ARHGAP17: variants seen among roughly 807,000 people sequenced by gnomAD.
The protein encoded by ARHGAP17 is Rho GTPase activating protein 17, also known as rho GTPase-activating protein 17.
A neutral mutation model predicts 99.5 loss-of-function variants in ARHGAP17; 57 were observed. The observed-to-expected ratio is 0.57, with a 90% confidence interval of 0.46 to 0.71. The LOEUF (loss-of-function observed/expected upper bound fraction) is 0.71. Among genes scored for constraint, ARHGAP17 ranks in the 30% least tolerant of loss-of-function variants. ARHGAP17 has a pLI of 0.00. For missense variants in ARHGAP17, 1,000 were observed against 1,122.4 expected (o/e 0.89, Z 1.56); for synonymous variants, 417 against 429.6 (o/e 0.97, Z 0.36).
intron 4 of ARHGAP17, among the ~76,000 whole-genome samples, chr16:24,969,053 G>A (rs932501254): frequency 2.0e-5 from 3 of 152,190 alleles, no homozygotes; most frequent in African/African-American, 7.2e-5. Flanking sequence ...AAATTCTCAA[G>A]TCAGGTGAAA....
At chr16:24,998,478 G>T (rs2053264941) in intron 1 of ARHGAP17, among the ~76,000 whole-genome samples, 1 of 152,112 alleles carries the variant, frequency 6.6e-6, no homozygotes, top group Non-Finnish European at 1.5e-5. Context: ...CTCAGACACT[G>T]GGGAAAGGTG....
Position 24,973,200 on chromosome 16 carries a change from A to C in ARHGAP17, c.199-2620T>G, listed in dbSNP as rs529995320. On this transcript the variant is annotated intron_variant, in intron 3 of 19. Coordinates refer to ENST00000289968, the MANE Select transcript of ARHGAP17 (RefSeq NM_001006634.3). Reference sequence around the variant, plus strand: ...ATGCATGCCAATCGCACAAAAAGAAATAATTCTCTAATCTAATAATCTATC... The same window carrying C: ...ATGCATGCCAATCGCACAAAAAGAACTAATTCTCTAATCTAATAATCTATC... Among the ~76,000 whole-genome samples the C allele has an allele frequency of 1.6e-4, 24 of 152,330 alleles. 1 individual carries two copies. In the South Asian group the frequency reaches 5.0e-3, roughly 32 times the overall value.
In ARHGAP17 at chr16:24,959,878, T is replaced by C. The variant is rs567246776; in HGVS notation, c.642+33A>G. On this transcript the variant is annotated intron_variant, in intron 8 of 19. Transcript: ENST00000289968. ...AGCTAAAATGACTCCATTTTAACAATGCTTTAACATTTTCTCAAGGGAAGG... is the reference window on the plus strand; with the variant it reads ...AGCTAAAATGACTCCATTTTAACAACGCTTTAACATTTTCTCAAGGGAAGG... 1.2e-5 allele frequency: 20 copies of C among 1,607,838 alleles called. No homozygotes were observed. In the South Asian group the frequency reaches 1.7e-4, roughly 13 times the overall value.
chr16:24,961,823 T>C (rs573903181), intron 7 of ARHGAP17, among the ~76,000 whole-genome samples: 1 of 150,410 alleles, frequency 6.6e-6, no homozygotes, highest in African/African-American at 2.4e-5. Flanking sequence ...TGTGAGCCAC[T>C]GCACCTGGCC....
intron 10 of ARHGAP17, among the ~76,000 whole-genome samples, chr16:24,953,305 T>C (rs1482543288): frequency 2.6e-5 from 4 of 152,196 alleles, no homozygotes; most frequent in Admixed American, 2.0e-4. Flanking sequence ...TGATTTTTTG[T>C]TGGAGGTTGT....
intron 1 of ARHGAP17, among the ~76,000 whole-genome samples, chr16:24,985,853 C>T (rs1167851476): frequency 6.6e-6 from 1 of 152,180 alleles, no homozygotes; most frequent in Non-Finnish European, 1.5e-5. Flanking sequence ...CCCATACACA[C>T]ACACACAGAT....
At chr16:24,971,476 A>G (rs554250734) in intron 3 of ARHGAP17, among the ~76,000 whole-genome samples, 6 of 152,040 alleles carry the variant, frequency 3.9e-5, no homozygotes, top group African/African-American at 1.4e-4. Flanking sequence ...ATGGGCATGC[A>G]CCACTTACAC....
chr16:24,986,847 G>A (rs2052886022), intron 1 of ARHGAP17, among the ~76,000 whole-genome samples: 1 of 152,230 alleles, frequency 6.6e-6, no homozygotes, highest in African/African-American at 2.4e-5. Context: ...TCATAGGCAA[G>A]CAGCAGCTGC....
At chr16:24,996,008 G>A (rs1168720189) in intron 1 of ARHGAP17, among the ~76,000 whole-genome samples, 1 of 152,096 alleles carries the variant, frequency 6.6e-6, no homozygotes, top group African/African-American at 2.4e-5. Context: ...GACTACAGGT[G>A]CAAGCCACCT....
chr16:24,982,980 A>ATATATATATATATATATATATT (rs2052725948), intron 1 of ARHGAP17, among the ~76,000 whole-genome samples: 9 of 16,880 alleles, frequency 5.3e-4, no homozygotes, highest in African/African-American at 9.4e-4. Flanking sequence ...ATATATATAT[A>ATATATATATATATATATATATT]TATATATATA....
intron 14 of ARHGAP17, among the ~76,000 whole-genome samples, chr16:24,946,091 C>T (rs1305704750): frequency 6.6e-6 from 1 of 152,156 alleles, no homozygotes; most frequent in Non-Finnish European, 1.5e-5. Context: ...GTGACAATTT[C>T]CCAGAAGCTT....
At chr16:24,964,410 T>A in intron 6 of ARHGAP17, 102 bp from the exon 7 acceptor site, 4 of 785,392 alleles carry the variant, frequency 5.1e-6, no homozygotes, top group Non-Finnish European at 6.3e-6. Flanking sequence ...CAATTGATTC[T>A]ACCTGGAAGG....
chr16:24,960,124 T>C (rs2051940410), intron 7 of ARHGAP17, 145 bp from the exon 8 acceptor site: 1 of 715,470 alleles, frequency 1.4e-6, no homozygotes, highest in Non-Finnish European at 2.4e-6. Flanking sequence ...GGTACAACCA[T>C]ACAGAAAGAA....
At chr16:24,991,670 G>A (rs1217668546) in intron 1 of ARHGAP17, among the ~76,000 whole-genome samples, 1 of 152,110 alleles carries the variant, frequency 6.6e-6, no homozygotes, top group African/African-American at 2.4e-5. Flanking sequence ...TAAGCTGCTG[G>A]GCTTCCCACC....
intron 1 of ARHGAP17, among the ~76,000 whole-genome samples, chr16:25,001,344 C>A (rs1336124098): frequency 6.6e-6 from 1 of 152,056 alleles, no homozygotes; most frequent in Non-Finnish European, 1.5e-5. Context: ...GATATCAATT[C>A]TCAAAGTTTA....
chr16:24,940,805 A>AC (rs755963131), intron 16 of ARHGAP17, among the ~76,000 whole-genome samples: 1 of 152,200 alleles, frequency 6.6e-6, no homozygotes, highest in South Asian at 2.1e-4. Flanking sequence ...ACTTAAGGCG[A>AC]CTGATCTATG....
intron 7 of ARHGAP17, among the ~76,000 whole-genome samples, chr16:24,961,814 G>A (rs1320684486): frequency 6.6e-6 from 1 of 150,572 alleles, no homozygotes; most frequent in Non-Finnish European, 1.5e-5. Context: ...GATTACAGAT[G>A]TGAGCCACTG....
Position 24,943,802 on chromosome 16 carries a change from G to A in ARHGAP17, c.1302C>T (p.Ile434=). The A allele has an allele frequency of 6.2e-7, 1 of 1,614,192 alleles. No homozygotes were observed. ...GGAAGAACCAGTCGGCATGCTGAATGATGGGTTCAATCACTGCAACCACAT... is the reference window on the plus strand; with the variant it reads ...GGAAGAACCAGTCGGCATGCTGAATAATGGGTTCAATCACTGCAACCACAT... ...SVHVVAVIEP[I]IQHADWFFPE... is the part of the protein sequence containing the mutation. The change falls in exon 15 of 20, where the codon ATC becomes ATT. Residue 434 remains isoleucine (I), a synonymous_variant. Transcript: ENST00000289968.
rs771397194 is a variant in ARHGAP17 at position 24,970,556 on chromosome 16, C to T, written c.223G>A (p.Ala75Thr). ...GTCGATGCTTCTTGCATATTTTGAG[C>T]AAGAGCTGTCAGAGGCAGTTTTTTC... is the stretch of plus-strand genomic sequence containing the variant. The part of the protein sequence containing the change: ...RHKKLPLTAL[A>T]QNMQEASTQL... Residue 75 changes from alanine (A) to threonine (T), a missense_variant, in exon 4 of 20, where the codon GCT becomes ACT. Physicochemically the swap from Ala to Thr is moderately conservative, Grantham distance 58. Around this residue, in one of 2 missense-constraint regions of ARHGAP17, gnomAD observed 472 missense variants for 611.1 expected, o/e 0.77. Transcript: ENST00000289968. 6.2e-6 allele frequency: 10 copies of T among 1,614,082 alleles called. No homozygotes were observed. Among genetic ancestry groups the T allele is most frequent in the Non-Finnish European group, 8.5e-7 (1 of 1,180,032 alleles).
Sources: allele counts gnomAD v4.1 joint callset (sites outside exome capture counted in the v4.1 genomes callset), GRCh38; gene constraint gnomAD v4.1.1; regional missense constraint gnomAD v4.1.1; transcripts MANE v1.5; gene names NCBI Gene and HGNC (gene_info 2026-07-23, HGNC 2026-07-21).